TTN: variants seen among roughly 807,000 people sequenced by gnomAD.
TTN encodes connectin.
Under a neutral mutation model 3,223.0 loss-of-function variants are expected in TTN, and 1,525 were observed. The ratio of observed to expected loss-of-function variants is 0.47; its 90% CI spans 0.45 to 0.49. TTN has a LOEUF of 0.49. TTN is among the 20% of genes least tolerant of loss of function. The pLI is 0.00. For missense variants in TTN, 40,786 were observed against 43,424.0 expected (o/e 0.94, Z 5.40); for synonymous variants, 14,094 against 15,161.0 (o/e 0.93, Z 5.17).
At chr2:178,699,967 G>A (rs71423581) in intron 111 of TTN, among the ~76,000 whole-genome samples, 2,490 of 151,330 alleles carry the variant, frequency 0.016, 49 homozygotes, top group Non-Finnish European at 0.024. Context: ...CGCCCACCTC[G>A]GCCTCCCAAA....
Position 178,605,099 on chromosome 2 carries a change from T to A in TTN, c.54078A>T (p.Ala18026=), listed in dbSNP as rs747908048. Residue 18026 remains alanine, a synonymous_variant, in exon 280 of 363, where the codon GCA becomes GCT. Transcript: ENST00000589042. The part of the protein sequence containing the change: ...ITKEEVSRSE[A]KTELSIPKAV... Reference sequence around the variant, plus strand: ...CTTTGGGAATGCTAAGCTCAGTTTTTGCCTCACTTCGGGATACCTCTTCCT... The same window carrying A: ...CTTTGGGAATGCTAAGCTCAGTTTTAGCCTCACTTCGGGATACCTCTTCCT... 224 of 1,612,702 alleles carry A rather than the reference T, an allele frequency of 1.4e-4. No homozygotes were observed. Among genetic ancestry groups the A allele is most frequent in the Non-Finnish European group, 1.8e-4 (213 of 1,179,224 alleles).
Position 178,738,264 on chromosome 2 carries a change from C to A in TTN, c.14189G>T (p.Arg4730Leu). The A allele has an allele frequency of 6.2e-7, 1 of 1,613,534 alleles. No individual in the cohort carries two copies. Among genetic ancestry groups the A allele is most frequent in the Non-Finnish European group, 8.5e-7 (1 of 1,179,708 alleles). Residue 4730 changes from arginine to leucine, a missense_variant, in exon 49 of 363, where the codon CGG becomes CTG. Arg to Leu is a moderately radical substitution (Grantham distance 102). Transcript: ENST00000589042. ...TCGGCCAGCTTTAAACCACTGGAACCGGACATTGGGAGCACTTTGGATCTC... is the reference window on the plus strand; with the variant it reads ...TCGGCCAGCTTTAAACCACTGGAACAGGACATTGGGAGCACTTTGGATCTC... ...TCEIQSAPNV[R>L]FQWFKAGREI...
At chr2:178,751,198 A>C (rs2085390232) in intron 47 of TTN, 1 of 1,610,390 alleles carries the variant, frequency 6.2e-7, no homozygotes, top group Admixed American at 1.7e-5. Flanking sequence ...CACTAGCTTC[A>C]CTTCTCAAAG....
chr2:178,746,133 C>G lies in TTN; in HGVS notation c.11312-4212G>C, dbSNP rs746838968. ...TCGCTAATCACGTATTTAATATTAT[C>G]TGGCTCAATACACATATATTCTTTA... On this transcript the variant is annotated intron_variant, in intron 47 of 362. Transcript: ENST00000589042. The G allele has an allele frequency of 2.5e-6, 4 of 1,613,306 alleles. No individual in the cohort carries two copies. Among genetic ancestry groups the G allele is most frequent in the Non-Finnish European group, 3.4e-6 (4 of 1,179,588 alleles).
Position 178,702,449 on chromosome 2 carries a change from A to G in TTN, c.30433+5T>C. ...CATTCACTGGAAAACTGTCAATGAA[A>G]TCACCTTCATCGTCTGGGGTCACAT... is the stretch of plus-strand genomic sequence containing the variant. On this transcript the variant is annotated splice_donor_5th_base_variant and intron_variant, in intron 107 of 362. Transcript: ENST00000589042. 1 of 1,613,732 alleles carries G rather than the reference A, an allele frequency of 6.2e-7. No individual in the cohort carries two copies. The highest frequency in any genetic ancestry group is 8.5e-7 in the Non-Finnish European group (1 of 1,179,828).
In TTN at chr2:178,561,541, G is replaced by A. The variant is rs781670887; in HGVS notation, c.84591C>T (p.Ser28197=). The A allele has an allele frequency of 1.5e-5, 24 of 1,613,128 alleles. No individual in the cohort carries two copies. The highest frequency in any genetic ancestry group is 2.0e-5 in the Non-Finnish European group (24 of 1,179,518). The change falls in exon 326 of 363, where the codon AGC becomes AGT. Residue 28197 remains serine (S), a synonymous_variant. Transcript: ENST00000589042. ...IGYHLEYKER[S]SILWSKANKI... is the part of the protein sequence containing the mutation. ...TATTTGCTTTTGACCAAAGAATGCT[G>A]CTTCTTTCTTTATACTCAAGATGAT...
In TTN at chr2:178,650,771, G is replaced by C; in HGVS notation, c.39689C>G (p.Ala13230Gly). The C allele has an allele frequency of 6.2e-7, 1 of 1,606,584 alleles. No individual in the cohort carries two copies. The highest frequency in any genetic ancestry group is 8.5e-7 in the Non-Finnish European group (1 of 1,176,418). ...TGTACCTTCTGGGGGAGGAGACTCC[G>C]CTCTTTCTGGAACAGGAACAGCTGG... ...EKPAVPVPERAESPPPEVYEE... is the reference protein window; with the variant it reads ...EKPAVPVPERGESPPPEVYEE... The change falls in exon 209 of 363, where the codon GCG (alanine) becomes GGG (glycine). Residue 13230 changes from alanine to glycine, a missense_variant. Physicochemically the swap from Ala to Gly is moderately conservative, Grantham distance 60. Coordinates refer to ENST00000589042, the MANE Select transcript of TTN (RefSeq NM_001267550.2).
chr2:178,577,293 A>G lies in TTN; in HGVS notation c.69042T>C (p.Asp23014=), dbSNP rs750181550. ...TAGCAGTGATGGTATATTCACCCGC[A>G]TCTTTTCTAGTGGCATACTTGATAG... ...MLTIKYATRK[D]AGEYTITATN... The change falls in exon 324 of 363, where the codon GAT becomes GAC. Residue 23014 remains aspartate, a synonymous_variant. Transcript: ENST00000589042. The G allele has an allele frequency of 6.5e-5, 105 of 1,612,734 alleles. No homozygotes were observed. Among genetic ancestry groups the G allele is most frequent in the Non-Finnish European group, 8.5e-5 (100 of 1,179,486 alleles).
In TTN at chr2:178,541,401, T is replaced by C; in HGVS notation, c.97676A>G (p.Tyr32559Cys). The change falls in exon 350 of 363, where the codon TAC becomes TGC. Residue 32559 changes from tyrosine to cysteine, a missense_variant. Physicochemically the swap from Tyr to Cys is radical, Grantham distance 194. Coordinates refer to ENST00000589042, the MANE Select transcript of TTN (RefSeq NM_001267550.2). ...GCCTTCAGTAAGGCCAGTGGAGCGG[T>C]ACCGTGTCATTGTCACAGGTACTTT... ...VNKVPVTMTR[Y>C]RSTGLTEGLE... 6.2e-7 allele frequency: 1 copy of C among 1,612,616 alleles called. No homozygotes were observed. The highest frequency in any genetic ancestry group is 2.2e-5 in the East Asian group (1 of 44,786).
chr2:178,731,837 C>G lies in TTN; in HGVS notation c.17038G>C (p.Gly5680Arg), dbSNP rs769986653. ...WFKDNTILRSGRKYKTFIQDH... is the reference protein window; with the variant it reads ...WFKDNTILRSRRKYKTFIQDH... ...TGAATGAAAGTCTTATACTTTCTAC[C>G]ACTTCGCAGGATTGTGTTATCTTTG... The change falls in exon 58 of 363, where the codon GGT becomes CGT. Residue 5680 changes from glycine to arginine, a missense_variant. Transcript: ENST00000589042. 5 of 1,613,796 alleles carry G rather than the reference C, an allele frequency of 3.1e-6. No homozygotes were observed. The Admixed American group carries it at 8.3e-5, about 27-fold the overall frequency.
In TTN at chr2:178,663,903, C is replaced by T. The variant is rs577672565; in HGVS notation, c.36365-1G>A. The T allele has an allele frequency of 2.6e-5, 42 of 1,613,258 alleles. No homozygotes were observed. The highest frequency in any genetic ancestry group is 3.5e-5 in the Non-Finnish European group (41 of 1,179,742). Reference sequence around the variant, plus strand: ...ATAACCTCTTTGGAAGCTTCTGGCACTTGAAAGATATTAGTGAAATTACAT... The same window carrying T: ...ATAACCTCTTTGGAAGCTTCTGGCATTTGAAAGATATTAGTGAAATTACAT... On this transcript the variant is annotated splice_acceptor_variant, in intron 169 of 362. Transcript: ENST00000589042. LOFTEE classifies it high-confidence loss of function.
rs727503585 is a variant in TTN at position 178,588,660 on chromosome 2, C to A, written c.63065G>T (p.Arg21022Leu). The A allele has an allele frequency of 2.5e-6, 4 of 1,611,264 alleles. No homozygotes were observed. Among genetic ancestry groups the A allele is most frequent in the Non-Finnish European group, 3.4e-6 (4 of 1,178,836 alleles). ...TGGGAGGAGATTCTGTACTTTCATA[C>A]GTCTCTCAGGGATTGCACTCTTGTT... is the stretch of plus-strand genomic sequence containing the variant. ...PVNKSAIPER[R>L]MKVQNLLPDH... is the part of the protein sequence containing the mutation. Residue 21022 changes from arginine to leucine, a missense_variant, in exon 304 of 363, where the codon CGT (arginine) becomes CTT (leucine). Coordinates refer to ENST00000589042, the MANE Select transcript of TTN (RefSeq NM_001267550.2).
intron 1 of TTN, among the ~76,000 whole-genome samples, chr2:178,806,762 C>T (rs1332657161): frequency 2.6e-5 from 4 of 152,194 alleles, no homozygotes; most frequent in Admixed American, 6.5e-5. Flanking sequence ...CACTGTCCTG[C>T]AACTGATACC....
At chr2:178,766,666 T>G in intron 40 of TTN, 54 bp from the exon 41 acceptor site, 3 of 1,407,764 alleles carry the variant, frequency 2.1e-6, no homozygotes, top group Non-Finnish European at 3.0e-6. Context: ...CTTGAAGCTC[T>G]GGTTTCCTCC....
chr2:178,533,166 C>G lies in TTN; in HGVS notation c.103449G>C (p.Met34483Ile), dbSNP rs1470149812. 3.1e-6 allele frequency: 5 copies of G among 1,613,948 alleles called. No individual in the cohort carries two copies. Among genetic ancestry groups the G allele is most frequent in the Non-Finnish European group, 4.2e-6 (5 of 1,179,870 alleles). The stretch of plus-strand genomic sequence containing the variant: ...TTTCAGTTCCAGAAAGAATTTCAGC[C>G]ATTCTGAGGGTTTTGTCAATTTGTT... Reference protein sequence around the residue: ...VQKQIDKTLRMAEILSGTESV... With the variant: ...VQKQIDKTLRIAEILSGTESV... The change falls in exon 358 of 363, where the codon ATG (methionine) becomes ATC (isoleucine). Residue 34483 changes from methionine (M) to isoleucine (I), a missense_variant. Met to Ile is a conservative substitution (Grantham distance 10, BLOSUM62 1). Coordinates refer to ENST00000589042, the MANE Select transcript of TTN (RefSeq NM_001267550.2).
chr2:178,639,827 T>C (rs1031933449), intron 222 of TTN, 39 bp from the exon 223 acceptor site: 1 of 1,536,788 alleles, frequency 6.5e-7, no homozygotes, highest in African/African-American at 1.4e-5. Flanking sequence ...TATCAATTTG[T>C]CACTTCCTAA....
At chr2:178,617,063 G>T (rs766103405) in intron 255 of TTN, 50 bp from the exon 256 acceptor site, 2 of 1,610,852 alleles carry the variant, frequency 1.2e-6, no homozygotes, top group Admixed American at 3.4e-5. Flanking sequence ...TTAAGTCCCT[G>T]TTGCCCCAAA....
In TTN at chr2:178,632,706, C is replaced by T; in HGVS notation, c.43300G>A (p.Glu14434Lys). Reference protein sequence around the residue: ...EAKFECEVSREPKTFRWLKGT... With the variant: ...EAKFECEVSRKPKTFRWLKGT... ...TTTAGCCAACGGAATGTTTTGGGCT[C>T]CCTGGATACTTCACACTCAAACTTA... Residue 14434 changes from glutamate (E) to lysine (K), a missense_variant, in exon 235 of 363, where the codon GAG becomes AAG. Glu to Lys is a moderately conservative substitution (Grantham distance 56, BLOSUM62 1). Coordinates refer to ENST00000589042, the MANE Select transcript of TTN (RefSeq NM_001267550.2). 1 of 1,613,334 alleles carries T rather than the reference C, an allele frequency of 6.2e-7. No homozygotes were observed. The highest frequency in any genetic ancestry group is 1.3e-5 in the African/African-American group (1 of 74,988).
Position 178,665,759 on chromosome 2 carries a change from T to C in TTN, c.35908A>G (p.Lys11970Glu). 7.7e-7 allele frequency: 1 copy of C among 1,303,084 alleles called. No individual in the cohort carries two copies. The highest frequency in any genetic ancestry group is 9.7e-7 in the Non-Finnish European group (1 of 1,031,134). The allele number at this position is 1,303,084 out of a possible 1,614,324, so 80.7% of individuals were successfully genotyped here. A position where few individuals can be genotyped will look rare whatever the true frequency, so the allele number is the denominator to read the frequency against. Residue 11970 changes from lysine (K) to glutamate (E), a missense_variant, in exon 164 of 363, where the codon AAG becomes GAG. Physicochemically the swap from Lys to Glu is moderately conservative, Grantham distance 56 (BLOSUM62 1). Transcript: ENST00000589042. ...AGGGGAGCAGCCATGGGTGTTTCCT[T>C]TACAGGGACAATTTCTCGAGGTGAT... is the stretch of plus-strand genomic sequence containing the variant. ...PESPREIVPV[K>E]ETPMAAPLEI... is the part of the protein sequence containing the mutation.
Sources: allele counts gnomAD v4.1 joint callset (sites outside exome capture counted in the v4.1 genomes callset), GRCh38; gene constraint gnomAD v4.1.1; transcripts MANE v1.5; gene names NCBI Gene and HGNC (gene_info 2026-07-23, HGNC 2026-07-21).